The following OSBPL6 variants were observed in gnomAD, a reference collection of about 807,000 sequenced individuals.
OSBPL6 encodes the protein oxysterol-binding protein-related protein 6.
A neutral mutation model predicts 125.8 loss-of-function variants in OSBPL6; 49 were observed. That is an observed-to-expected ratio of 0.39 (90% CI 0.31 to 0.49). OSBPL6 has a LOEUF of 0.49. Ranked by LOEUF, OSBPL6 falls within the 20% of genes least tolerant of loss-of-function variation. The pLI, the probability that OSBPL6 is intolerant of heterozygous loss-of-function variation, is 0.88. For synonymous variants in OSBPL6, 394 were observed against 391.8 expected, an observed-to-expected ratio of 1.01 and a Z score of -0.07; for missense variants, 986 against 1,135.4, an observed-to-expected ratio of 0.87 and a Z score of 1.89.
chr2:178,317,437 C>CACATATAT (rs1687842729), intron 3 of OSBPL6, among the ~76,000 whole-genome samples: 1 of 106,986 alleles, frequency 9.3e-6, no homozygotes, highest in Admixed American at 1.1e-4. Flanking sequence ...ACTTAGACAC[C>CACATATAT]ATATATATAT....
intron 1 of OSBPL6, among the ~76,000 whole-genome samples, chr2:178,211,749 A>T (rs1296314829): frequency 6.6e-6 from 1 of 152,014 alleles, no homozygotes; most frequent in African/African-American, 2.4e-5. Flanking sequence ...CTCTGCCCAG[A>T]TTCCCAGCTC....
intron 1 of OSBPL6, among the ~76,000 whole-genome samples, chr2:178,195,414 G>A (rs1416621204): frequency 6.6e-6 from 1 of 152,230 alleles, no homozygotes; most frequent in Non-Finnish European, 1.5e-5. Flanking sequence ...AGATCGTGTC[G>A]CCGGGGATGC....
At chr2:178,198,987 A>G (rs1351120906) in intron 1 of OSBPL6, among the ~76,000 whole-genome samples, 1 of 152,158 alleles carries the variant, frequency 6.6e-6, no homozygotes, top group African/African-American at 2.4e-5. Context: ...GGCCTTGGGT[A>G]TATTGTTGGT....
At chr2:178,292,056 C>A (rs1685328218) in intron 2 of OSBPL6, among the ~76,000 whole-genome samples, 1 of 151,890 alleles carries the variant, frequency 6.6e-6, no homozygotes, top group South Asian at 2.1e-4. Context: ...CAGATTAAGC[C>A]TAGTACCCCT....
intron 1 of OSBPL6, among the ~76,000 whole-genome samples, chr2:178,240,563 A>G (rs1299427421): frequency 6.6e-6 from 1 of 151,926 alleles, no homozygotes; most frequent in East Asian, 1.9e-4. Flanking sequence ...AAACTAACTA[A>G]CTAACTAATG....
At chr2:178,301,930 G>A (rs1274088811) in intron 2 of OSBPL6, among the ~76,000 whole-genome samples, 1 of 152,076 alleles carries the variant, frequency 6.6e-6, no homozygotes, top group African/African-American at 2.4e-5. Context: ...AGAGAGACGG[G>A]GCCCTAACCT....
At position 178,239,591 on chromosome 2, in the gene OSBPL6, A is replaced by ATTTT. The variant is rs1553528648; in HGVS notation, c.-351+44918_-351+44921dup. ...AGATATTATTAATTTAATGAACTTT[A>ATTTT]TTTTATTTATTTATTTATTTATTTA... On this transcript the variant is annotated intron_variant, in intron 1 of 24. Transcript: ENST00000190611. Among the ~76,000 whole-genome samples, 193 of 137,262 alleles carry ATTTT rather than the reference A, an allele frequency of 1.4e-3. 1 individual carries two copies. The highest frequency in any genetic ancestry group is 4.7e-3 in the African/African-American group (167 of 35,408). 90.0% of individuals were successfully genotyped at this position (137,262 alleles called of 152,430 possible). A position where few individuals can be genotyped will look rare whatever the true frequency, so the allele number is the denominator to read the frequency against.
intron 14 of OSBPL6, among the ~76,000 whole-genome samples, chr2:178,372,639 C>T (rs1232301570): frequency 6.6e-6 from 1 of 151,868 alleles, no homozygotes; most frequent in Non-Finnish European, 1.5e-5. Flanking sequence ...TTTTGAAAGC[C>T]CTAAGGACAG....
At chr2:178,257,133 C>G (rs930410164) in intron 1 of OSBPL6, among the ~76,000 whole-genome samples, 1 of 152,144 alleles carries the variant, frequency 6.6e-6, no homozygotes, top group Non-Finnish European at 1.5e-5. Context: ...GTCTATTACC[C>G]CCAATGTAAT....
At chr2:178,377,014 TG>T (rs1328262280) in intron 15 of OSBPL6, among the ~76,000 whole-genome samples, 1 of 152,240 alleles carries the variant, frequency 6.6e-6, no homozygotes, top group Non-Finnish European at 1.5e-5. Flanking sequence ...TTCTCAGAGT[TG>T]CTTTTCCCCT....
chr2:178,197,946 T>A (rs77885580), intron 1 of OSBPL6, among the ~76,000 whole-genome samples: 3 of 152,170 alleles, frequency 2.0e-5, no homozygotes. Flanking sequence ...CCAGAGTTCA[T>A]GGAAGAAATT....
At chr2:178,308,248 T>C (rs1686959412) in intron 3 of OSBPL6, among the ~76,000 whole-genome samples, 1 of 152,234 alleles carries the variant, frequency 6.6e-6, no homozygotes. Flanking sequence ...TTTTCCTTCC[T>C]TATCTCAATC....
chr2:178,289,278 A>C (rs948293806), intron 2 of OSBPL6, among the ~76,000 whole-genome samples: 2 of 152,050 alleles, frequency 1.3e-5, no homozygotes, highest in East Asian at 3.9e-4. Context: ...GGCCTCCCAG[A>C]GTGCTGGGAT....
rs571737959 is a variant in OSBPL6, at chr2:178,285,031, G to A, written c.-246G>A. On this transcript the variant is annotated 5_prime_UTR_variant, in exon 2 of 25. Transcript: ENST00000190611. The stretch of plus-strand genomic sequence containing the variant: ...AGGTCAAAGACATATCATGTCCCAA[G>A]GAGAAAAGCTGCAGGCATCTGAGGA... 3 of 398,502 alleles carry A rather than the reference G, an allele frequency of 7.5e-6. No homozygotes were observed. Among genetic ancestry groups the A allele is most frequent in the African/African-American group, 4.1e-5 (2 of 48,730 alleles). 24.7% of individuals were successfully genotyped at this position (398,502 alleles called of 1,614,324 possible). A position where few individuals can be genotyped will look rare whatever the true frequency, so the allele number is the denominator to read the frequency against.
At chr2:178,378,120 C>T (rs1045601211) in intron 15 of OSBPL6, among the ~76,000 whole-genome samples, 9 of 152,118 alleles carry the variant, frequency 5.9e-5, no homozygotes, top group African/African-American at 1.9e-4. Flanking sequence ...TGAGCCACTG[C>T]GCCTGGCCTC....
Position 178,304,729 on chromosome 2 carries a change from T to C in OSBPL6, c.-155-1301T>C, listed in dbSNP as rs115079307. ...AATTTTGGTGCACATATTCAGACCA[T>C]AGCAACTGTCATGGCCTACAAGGTC... On this transcript the variant is annotated intron_variant, in intron 2 of 24. Coordinates refer to ENST00000190611, the MANE Select transcript of OSBPL6 (RefSeq NM_032523.4). Among the ~76,000 whole-genome samples, 1,215 of 152,318 alleles carry C rather than the reference T, an allele frequency of 8.0e-3. 14 individuals are homozygous for C. Among genetic ancestry groups the C allele is most frequent in the African/African-American group, 0.028 (1,144 of 41,556 alleles).
At chr2:178,317,468 A>G (rs1687853235) in intron 3 of OSBPL6, among the ~76,000 whole-genome samples, 1 of 103,946 alleles carries the variant, frequency 9.6e-6, no homozygotes, top group Non-Finnish European at 2.0e-5. Context: ...ATATATATAT[A>G]TATATATATA....
chr2:178,200,955 T>C (rs1468252573), intron 1 of OSBPL6, among the ~76,000 whole-genome samples: 6 of 151,958 alleles, frequency 3.9e-5, no homozygotes, highest in South Asian at 4.2e-4. Context: ...CCAGCACGCC[T>C]GGCTAATTTT....
intron 1 of OSBPL6, among the ~76,000 whole-genome samples, chr2:178,206,155 AT>A (rs1478599128): frequency 6.6e-6 from 1 of 152,210 alleles, no homozygotes; most frequent in African/African-American, 2.4e-5. Context: ...CTGGCATCTA[AT>A]TTTTGTCTTG....
Sources: allele counts gnomAD v4.1 joint callset (sites outside exome capture counted in the v4.1 genomes callset), GRCh38; gene constraint gnomAD v4.1.1; transcripts MANE v1.5; gene names NCBI Gene and HGNC (gene_info 2026-07-23, HGNC 2026-07-21).